Variants in NOTCH4 observed in about 807,000 individuals in gnomAD.
The protein encoded by NOTCH4 is notch receptor 4.
A neutral mutation model predicts 189.0 loss-of-function variants in NOTCH4; 138 were observed. The observed-to-expected ratio is 0.73, with a 90% CI of 0.64 to 0.84. The LOEUF (loss-of-function observed/expected upper bound fraction) is 0.84. NOTCH4 is among the 40% of genes least tolerant of loss of function. The pLI, the probability that NOTCH4 is intolerant of heterozygous loss-of-function variation, is 0.00. For synonymous variants in NOTCH4, 942 were observed against 1,032.8 expected, an observed-to-expected ratio of 0.91 and a Z score of 1.69; for missense variants, 2,286 against 2,605.4, an observed-to-expected ratio of 0.88 and a Z score of 2.67.
At position 32,222,794 on chromosome 6, in the gene NOTCH4, G is replaced by A. The variant is rs1010300974; in HGVS notation, c.168C>T (p.Gly56=). The A allele has an allele frequency of 6.2e-7, 1 of 1,609,948 alleles. No homozygotes were observed. The highest frequency in any genetic ancestry group is 8.5e-7 in the Non-Finnish European group (1 of 1,178,654). The change falls in exon 3 of 30, where the codon GGC becomes GGT. Residue 56 remains glycine, a synonymous_variant. Coordinates refer to ENST00000375023, the MANE Select transcript of NOTCH4 (RefSeq NM_004557.4). ...LGQGTCQCAP[G]FLGETCQFPD... Reference sequence around the variant, plus strand: ...GAAACTGGCACGTCTCACCCAGGAAGCCAGGGGCACACCTGGGCAGGGGAG... The same window carrying A: ...GAAACTGGCACGTCTCACCCAGGAAACCAGGGGCACACCTGGGCAGGGGAG...
At position 32,217,135 on chromosome 6, in the gene NOTCH4, G is replaced by T; in HGVS notation, c.1738+18C>A. 1 of 1,612,822 alleles carries T rather than the reference G, an allele frequency of 6.2e-7. No homozygotes were observed. Among genetic ancestry groups the T allele is most frequent in the Non-Finnish European group, 8.5e-7 (1 of 1,179,764 alleles). On this transcript the variant is annotated intron_variant, in intron 10 of 29. Coordinates refer to ENST00000375023, the MANE Select transcript of NOTCH4 (RefSeq NM_004557.4). The surrounding 1 kb of genome is among the most constrained non-coding windows in gnomAD (Gnocchi z 4.2). ...CCTCCTGCTCCCGCTGTCCCCCACA[G>T]TGTGTGCCCCAGTTTACCTGGGAGA...
Position 32,196,074 on chromosome 6 carries a change from G to A in NOTCH4, c.5375C>T (p.Ala1792Val), listed in dbSNP as rs866371774. Reference protein sequence around the residue: ...VAQLLLGLGAARELRDQAGLA... With the variant: ...VAQLLLGLGAVRELRDQAGLA... ...CCCAGCCTGGTCCCGCAGCTCTCGG[G>A]CTGCCCCCAGCCCCAGCAGTAGCTG... Residue 1792 changes from alanine to valine, a missense_variant, in exon 30 of 30, where the codon GCC (alanine) becomes GTC (valine). Physicochemically the swap from Ala to Val is moderately conservative, Grantham distance 64 (BLOSUM62 0). Around this residue, in one of 2 missense-constraint regions of NOTCH4, gnomAD observed 383 missense variants for 343.5 expected, o/e 1.11. Transcript: ENST00000375023. 1.3e-6 allele frequency: 2 copies of A among 1,592,498 alleles called. No homozygotes were observed. Among genetic ancestry groups the A allele is most frequent in the East Asian group, 2.3e-5 (1 of 44,402 alleles).
At chr6:32,196,530 C>T in intron 28 of NOTCH4, 109 bp from the exon 29 acceptor site, 1 of 1,396,132 alleles carries the variant, frequency 7.2e-7, no homozygotes, top group South Asian at 1.3e-5. Context: ...CCGGCTGGTC[C>T]CTCAAAGGCG....
At chr6:32,197,215 C>T (rs1788002803) in intron 27 of NOTCH4, 84 bp downstream of exon 27, 19 of 1,516,130 alleles carry the variant, frequency 1.3e-5, no homozygotes, top group African/African-American at 4.1e-5. Flanking sequence ...CAATTTCCTC[C>T]TTGTCAAACT....
In NOTCH4 at chr6:32,217,285, G is replaced by T; in HGVS notation, c.1625-19C>A. ...GAGAATCCTGGTGGGGCGGAAGTGGGTGGGGAGAGGAGGCCAAGGTCATCG... is the reference window on the plus strand; with the variant it reads ...GAGAATCCTGGTGGGGCGGAAGTGGTTGGGGAGAGGAGGCCAAGGTCATCG... On this transcript the variant is annotated intron_variant, in intron 9 of 29. Transcript: ENST00000375023. The surrounding 1 kb of genome is among the most constrained non-coding windows in gnomAD (Gnocchi z 4.2). 1 of 1,564,878 alleles carries T rather than the reference G, an allele frequency of 6.4e-7. No individual in the cohort carries two copies. The highest frequency in any genetic ancestry group is 8.8e-7 in the Non-Finnish European group (1 of 1,136,882).
rs572363671 is a variant in NOTCH4, at chr6:32,208,315, T to A, written c.2865+2437A>T. Among the ~76,000 whole-genome samples, 25 of 152,234 alleles carry A rather than the reference T, an allele frequency of 1.6e-4. No individual in the cohort carries two copies. In the South Asian group the frequency reaches 4.8e-3, roughly 29 times the overall value. On this transcript the variant is annotated intron_variant, in intron 18 of 29. Coordinates refer to ENST00000375023, the MANE Select transcript of NOTCH4 (RefSeq NM_004557.4). ...TGTGGTTTAAAAAATGAGCAAATTATCTGAACAGACATTTCTCAAAAGAAG... is the reference window on the plus strand; with the variant it reads ...TGTGGTTTAAAAAATGAGCAAATTAACTGAACAGACATTTCTCAAAAGAAG...
Position 32,201,179 on chromosome 6 carries a change from A to AGGAAC in NOTCH4, c.4076_4077insGTTCC (p.Tyr1359Ter), listed in dbSNP as rs1176291363. Reference sequence around the variant, plus strand: ...GCGTTTGAGGGGCTGCTCTCTCCTGATAGGTGGGGTCCCGAGTTCCTCCTA... The same window carrying AGGAAC: ...GCGTTTGAGGGGCTGCTCTCTCCTGAGGAACTAGGTGGGGTCCCGAGTTCCTCCTA... On this transcript the variant is annotated stop_gained and frameshift_variant, in exon 22 of 30. Transcript: ENST00000375023. LOFTEE classifies it high-confidence loss of function. This position sits in a 1 kb window ranked among gnomAD's most constrained non-coding sequence, Gnocchi z 5.5. 17 of 1,612,598 alleles carry AGGAAC rather than the reference A, an allele frequency of 1.1e-5. No individual in the cohort carries two copies. The highest frequency in any genetic ancestry group is 1.4e-5 in the Non-Finnish European group (17 of 1,179,916).
rs562111292 is a variant in NOTCH4 at position 32,212,664 on chromosome 6, A to C, written c.2527-37T>G. On this transcript the variant is annotated intron_variant, in intron 16 of 29. Coordinates refer to ENST00000375023, the MANE Select transcript of NOTCH4 (RefSeq NM_004557.4). The surrounding 1 kb of genome is among the most constrained non-coding windows in gnomAD (Gnocchi z 4.4). ...GAGGGAGCGTGAGGCAGGACATAGCATCAGATTCTCAGCCCAGAGATGGTC... is the reference window on the plus strand; with the variant it reads ...GAGGGAGCGTGAGGCAGGACATAGCCTCAGATTCTCAGCCCAGAGATGGTC... 6.3e-7 allele frequency: 1 copy of C among 1,585,868 alleles called. No individual in the cohort carries two copies. Among genetic ancestry groups the C allele is most frequent in the Non-Finnish European group, 8.6e-7 (1 of 1,166,102 alleles).
intron 28 of NOTCH4, 47 bp from the exon 29 acceptor site, chr6:32,196,468 C>T: frequency 6.2e-7 from 1 of 1,601,128 alleles, no homozygotes; most frequent in African/African-American, 1.3e-5. Flanking sequence ...GGGCCAGACG[C>T]CTGGGTTCCG....
In NOTCH4 at chr6:32,217,326, G is replaced by T; in HGVS notation, c.1625-60C>A. ...AAGGTCATCGAGGGAGGCACAGCAT[G>T]GCGCCTTCCCTTGCCAGGAAAGGTG... On this transcript the variant is annotated intron_variant, in intron 9 of 29. Transcript: ENST00000375023. This position sits in a 1 kb window ranked among gnomAD's most constrained non-coding sequence, Gnocchi z 4.2. The T allele has an allele frequency of 1.8e-6, 2 of 1,098,418 alleles. No individual in the cohort carries two copies. The highest frequency in any genetic ancestry group is 2.4e-5 in the East Asian group (1 of 41,512). 68.0% of individuals were successfully genotyped at this position (1,098,418 alleles called of 1,614,324 possible).
intron 20 of NOTCH4, chr6:32,203,486 A>G (rs1295468334): frequency 8.5e-6 from 4 of 469,362 alleles, no homozygotes; most frequent in African/African-American, 2.0e-5. Flanking sequence ...CAGAGTTAAA[A>G]TAACCTATCT....
At chr6:32,203,637 T>C (rs540932402) in intron 20 of NOTCH4, 133 bp downstream of exon 20, 53 of 658,606 alleles carry the variant, frequency 8.0e-5, no homozygotes. Context: ...CTTCCCACTG[T>C]GAGCTTGGCA....
In NOTCH4 at chr6:32,204,328, G is replaced by T. The variant is rs1788543888; in HGVS notation, c.2927C>A (p.Pro976His). 1 of 1,613,064 alleles carries T rather than the reference G, an allele frequency of 6.2e-7. No homozygotes were observed. ...AGTACAGGTTCCATGGTTGTGACAGGGTTGGGACTGACAAGCATCGAGTTC... is the reference window on the plus strand; with the variant it reads ...AGTACAGGTTCCATGGTTGTGACAGTGTTGGGACTGACAAGCATCGAGTTC... ...SKELDACQSQ[P>H]CHNHGTCTPK... The change falls in exon 19 of 30, where the codon CCC becomes CAC. Residue 976 changes from proline to histidine, a missense_variant. This residue lies in a region of NOTCH4 where 1,903 missense variants were observed against 2,261.9 expected (regional missense o/e 0.84). Transcript: ENST00000375023.
At chr6:32,223,138 CT>C in intron 1 of NOTCH4, 52 bp from the exon 2 acceptor site, 1 of 1,388,540 alleles carries the variant, frequency 7.2e-7, no homozygotes. Context: ...GTGCCTCCAC[CT>C]TTCCTCTTCT....
At position 32,200,435 on chromosome 6, in the gene NOTCH4, T is replaced by A. The variant is rs1788266067; in HGVS notation, c.4315+396A>T. On this transcript the variant is annotated intron_variant, in intron 23 of 29. Transcript: ENST00000375023. The surrounding 1 kb of genome is among the most constrained non-coding windows in gnomAD (Gnocchi z 5.0). Reference sequence around the variant, plus strand: ...CGCATTAGCCAGGATGGTCTCAATCTCCTGACCTCGTGATCCACCTGCCTT... The same window carrying A: ...CGCATTAGCCAGGATGGTCTCAATCACCTGACCTCGTGATCCACCTGCCTT... 6.6e-6 allele frequency among the ~76,000 whole-genome samples: 1 copy of A among 152,182 alleles called. No homozygotes were observed. Among genetic ancestry groups the A allele is most frequent in the Non-Finnish European group, 1.5e-5 (1 of 68,014 alleles).
rs2127477168 is a variant in NOTCH4 at position 32,212,498 on chromosome 6, A to G, written c.2656T>C (p.Cys886Arg). 1 of 1,612,356 alleles carries G rather than the reference A, an allele frequency of 6.2e-7. No homozygotes were observed. Among genetic ancestry groups the G allele is most frequent in the Non-Finnish European group, 8.5e-7 (1 of 1,179,510 alleles). Residue 886 changes from cysteine (C) to arginine (R), a missense_variant, in exon 17 of 30, where the codon TGC (cysteine) becomes CGC (arginine). Transcript: ENST00000375023. The surrounding 1 kb of genome is among the most constrained non-coding windows in gnomAD (Gnocchi z 4.4). Reference sequence around the variant, plus strand: ...CCTTGGCTCAGTGCAGCCTTCTGGCAGGAGGACAGTGGAAGGTTGCAGAGA... The same window carrying G: ...CCTTGGCTCAGTGCAGCCTTCTGGCGGGAGGACAGTGGAAGGTTGCAGAGA... Reference protein sequence around the residue: ...GPLCNLPLSSCQKAALSQGID... With the variant: ...GPLCNLPLSSRQKAALSQGID...
rs2127477069 is a variant in NOTCH4, at chr6:32,212,468, G to T, written c.2680+6C>A. On this transcript the variant is annotated splice_donor_region_variant and intron_variant, in intron 17 of 29. Transcript: ENST00000375023. This position sits in a 1 kb window ranked among gnomAD's most constrained non-coding sequence, Gnocchi z 4.4. ...TTGCTCTCCAGTCAGTGCCGGCGTT[G>T]GTTACCTTGGCTCAGTGCAGCCTTC... 1 of 1,601,546 alleles carries T rather than the reference G, an allele frequency of 6.2e-7. No homozygotes were observed. The highest frequency in any genetic ancestry group is 8.5e-7 in the Non-Finnish European group (1 of 1,174,186).
chr6:32,218,197 C>G, intron 8 of NOTCH4, 89 bp from the exon 9 acceptor site: 1 of 820,158 alleles, frequency 1.2e-6, no homozygotes, highest in African/African-American at 1.7e-5. Flanking sequence ...CCTGACTTGC[C>G]CCACTCAGGC....
At chr6:32,219,900 G>T in intron 7 of NOTCH4, 114 bp from the exon 8 acceptor site, 1 of 925,124 alleles carries the variant, frequency 1.1e-6, no homozygotes. Flanking sequence ...CCAAATTGGG[G>T]AAGGGGCTTG....
Sources: gnomAD v4.1 joint callset for allele counts (sites outside exome capture counted in the v4.1 genomes callset) on GRCh38, gnomAD v4.1.1 for gene constraint, gnomAD v4.1.1 regional missense constraint, Gnocchi (gnomAD v3.1) non-coding constraint, MANE v1.5 for transcripts, NCBI Gene and HGNC (gene_info 2026-07-23, HGNC 2026-07-21) for gene names.